Variants in ADAMTS18 observed in about 807,000 individuals in gnomAD.
ADAMTS18 encodes the protein ADAM metallopeptidase with thrombospondin type 1 motif 18, also known as A disintegrin and metalloproteinase with thrombospondin motifs 18.
ADAMTS18 carries 157 observed loss-of-function variants against 165.9 expected under a neutral mutation model. The ratio of observed to expected loss-of-function variants is 0.95; its 90% CI spans 0.83 to 1.08. ADAMTS18 has a LOEUF of 1.08. ADAMTS18 is among the 50% of genes least tolerant of loss of function. The pLI is 0.00. For missense variants in ADAMTS18, 2,040 were observed against 1,534.0 expected, an observed-to-expected ratio of 1.33 and a Z score of -5.51; for synonymous variants, 782 against 578.2, an observed-to-expected ratio of 1.35 and a Z score of -5.06.
intron 3 of ADAMTS18, among the ~76,000 whole-genome samples, chr16:77,384,771 C>T (rs186546322): frequency 1.3e-5 from 2 of 152,250 alleles, no homozygotes; most frequent in Admixed American, 6.5e-5. Context: ...TAGTAAGCTA[C>T]ATTATCTAAC....
chr16:77,334,401 T>C (rs1449732537), intron 12 of ADAMTS18, among the ~76,000 whole-genome samples: 2 of 112,646 alleles, frequency 1.8e-5, no homozygotes, highest in African/African-American at 3.7e-5. Flanking sequence ...ATATACTGTA[T>C]ATTATAGTAT....
chr16:77,390,603 T>G (rs970838723), intron 3 of ADAMTS18, among the ~76,000 whole-genome samples: 3 of 151,866 alleles, frequency 2.0e-5, no homozygotes, highest in African/African-American at 4.8e-5. Flanking sequence ...GGCAGGAGAA[T>G]TGCCTGAACC....
chr16:77,342,961 G>A (rs1244722591), intron 10 of ADAMTS18, among the ~76,000 whole-genome samples: 4 of 151,868 alleles, frequency 2.6e-5, no homozygotes, highest in Admixed American at 2.6e-4. Flanking sequence ...ATGAAGGAGG[G>A]GCCATGAGCC....
rs761150429 is a variant in ADAMTS18, at chr16:77,284,060, A to G, written c.3562T>C (p.Cys1188Arg). 3 of 1,610,298 alleles carry G rather than the reference A, an allele frequency of 1.9e-6. No individual in the cohort carries two copies. Among genetic ancestry groups the G allele is most frequent in the Non-Finnish European group, 2.5e-6 (3 of 1,176,824 alleles). Residue 1188 changes from cysteine to arginine, a missense_variant, in exon 23 of 23, where the codon TGC becomes CGC. By Grantham distance (180) the Cys-to-Arg change is radical (BLOSUM62 -3). Transcript: ENST00000282849. ...PAPEKREDPSCVDFFNWCHLV... is the reference protein window; with the variant it reads ...PAPEKREDPSRVDFFNWCHLV... ...TGACACCAGTTGAAGAAATCTACGCAGGATGGATCCTCTAAAATAAGAAAA... is the reference window on the plus strand; with the variant it reads ...TGACACCAGTTGAAGAAATCTACGCGGGATGGATCCTCTAAAATAAGAAAA...
In ADAMTS18 at chr16:77,362,149, C is replaced by G. The variant is rs1253354816; in HGVS notation, c.1172G>C (p.Gly391Ala). 4.3e-6 allele frequency: 7 copies of G among 1,614,056 alleles called. No homozygotes were observed. The highest frequency in any genetic ancestry group is 3.3e-4 in the Middle Eastern group (2 of 6,060). Reference protein sequence around the residue: ...KRHDHAILLTGFDICSWKNEP... With the variant: ...KRHDHAILLTAFDICSWKNEP... ...ATTCTTCCAAGAACAAATATCAAATCCTGTTAGTAAGATGGCATGATCATG... is the reference window on the plus strand; with the variant it reads ...ATTCTTCCAAGAACAAATATCAAATGCTGTTAGTAAGATGGCATGATCATG... The change falls in exon 7 of 23, where the codon GGA becomes GCA. Residue 391 changes from glycine (G) to alanine (A), a missense_variant. Physicochemically the swap from Gly to Ala is moderately conservative, Grantham distance 60. Coordinates refer to ENST00000282849, the MANE Select transcript of ADAMTS18 (RefSeq NM_199355.4).
rs911903449 is a variant in ADAMTS18, at chr16:77,347,998, G to A, written c.1614+5735C>T. Among the ~76,000 whole-genome samples, 2 of 152,072 alleles carry A rather than the reference G, an allele frequency of 1.3e-5. 1 individual carries two copies. Among genetic ancestry groups the A allele is most frequent in the Non-Finnish European group, 2.9e-5 (2 of 68,036 alleles). ...TAAAGTACTATCTGATACATAATAAGCACTGAATAAATATTAGTTATTATT... is the reference window on the plus strand; with the variant it reads ...TAAAGTACTATCTGATACATAATAAACACTGAATAAATATTAGTTATTATT... On this transcript the variant is annotated intron_variant, in intron 10 of 22. Coordinates refer to ENST00000282849, the MANE Select transcript of ADAMTS18 (RefSeq NM_199355.4).
At chr16:77,337,515 T>C (rs559464662) in intron 11 of ADAMTS18, among the ~76,000 whole-genome samples, 2 of 152,222 alleles carry the variant, frequency 1.3e-5, no homozygotes, top group South Asian at 4.2e-4. Flanking sequence ...CCCAAACAGA[T>C]CTATTCAAAT....
At chr16:77,284,786 C>T (rs551890501) in intron 22 of ADAMTS18, among the ~76,000 whole-genome samples, 8 of 152,112 alleles carry the variant, frequency 5.3e-5, no homozygotes, top group South Asian at 2.1e-4. Flanking sequence ...CCACTAGTAC[C>T]GCTGGTTCTG....
intron 16 of ADAMTS18, among the ~76,000 whole-genome samples, chr16:77,316,827 GC>G (rs1455359179): frequency 6.6e-6 from 1 of 151,786 alleles, no homozygotes; most frequent in Non-Finnish European, 1.5e-5. Flanking sequence ...GCACCACCAC[GC>G]CTGGCTAATT....
chr16:77,400,318 T>C (rs2057309130), intron 3 of ADAMTS18, among the ~76,000 whole-genome samples: 1 of 152,082 alleles, frequency 6.6e-6, no homozygotes, highest in Admixed American at 6.6e-5. Flanking sequence ...TCCCAGAGTC[T>C]ACTTAGCCTC....
Position 77,283,992 on chromosome 16 carries a change from T to A in ADAMTS18, c.3630A>T (p.Gly1210=). The A allele has an allele frequency of 6.2e-7, 1 of 1,614,026 alleles. No individual in the cohort carries two copies. Among genetic ancestry groups the A allele is most frequent in the Non-Finnish European group, 8.5e-7 (1 of 1,179,922 alleles). ...TTGTGCATGACTTGCAGCATTGTTT[T>A]CCGTAAAACTTGTGGTTGCAGACAC... is the stretch of plus-strand genomic sequence containing the variant. ...QHGVCNHKFY[G]KQCCKSCTRK... is the part of the protein sequence containing the mutation. The change falls in exon 23 of 23, where the codon GGA becomes GGT. Residue 1210 remains glycine (G), a synonymous_variant. Transcript: ENST00000282849.
chr16:77,305,672 G>A (rs931889350), intron 16 of ADAMTS18, among the ~76,000 whole-genome samples: 8 of 152,088 alleles, frequency 5.3e-5, no homozygotes, highest in Non-Finnish European at 1.2e-4. Flanking sequence ...CTTCTCTCTC[G>A]TTTCATGGTT....
At chr16:77,380,834 C>G (rs916422347) in intron 3 of ADAMTS18, among the ~76,000 whole-genome samples, 4 of 152,062 alleles carry the variant, frequency 2.6e-5, no homozygotes, top group African/African-American at 9.7e-5. Context: ...TCAACTGACT[C>G]TCACTGCAGC....
intron 3 of ADAMTS18, among the ~76,000 whole-genome samples, chr16:77,384,276 C>T (rs1322252808): frequency 6.6e-6 from 1 of 152,186 alleles, no homozygotes; most frequent in Non-Finnish European, 1.5e-5. Flanking sequence ...ACATTATATC[C>T]TTTTCCCATT....
At position 77,293,007 on chromosome 16, in the gene ADAMTS18, G is replaced by A. The variant is rs759247549; in HGVS notation, c.3189+69C>T. 38 of 1,597,776 alleles carry A rather than the reference G, an allele frequency of 2.4e-5. No individual in the cohort carries two copies. The Admixed American group carries it at 6.0e-4, about 25-fold the overall frequency. ...GCTAATTTTTTGTATTTTTAGTAGA[G>A]ACAGGGTTTCACTGTGTTAGCCAGG... On this transcript the variant is annotated intron_variant, in intron 20 of 22. Transcript: ENST00000282849.
intron 3 of ADAMTS18, among the ~76,000 whole-genome samples, chr16:77,399,090 T>C (rs2144805688): frequency 6.6e-6 from 1 of 152,342 alleles, no homozygotes; most frequent in Admixed American, 6.5e-5. Context: ...CCCACCCCAC[T>C]TTCATTCCAT....
intron 10 of ADAMTS18, among the ~76,000 whole-genome samples, chr16:77,351,551 C>A (rs2056556045): frequency 6.6e-6 from 1 of 152,104 alleles, no homozygotes; most frequent in African/African-American, 2.4e-5. Context: ...ATACTTATTA[C>A]CAACTGTGCT....
intron 3 of ADAMTS18, among the ~76,000 whole-genome samples, chr16:77,423,046 T>A (rs1202597243): frequency 6.6e-6 from 1 of 152,204 alleles, no homozygotes; most frequent in African/African-American, 2.4e-5. Context: ...ATCCCTAGGC[T>A]CTACCCAGGA....
chr16:77,298,557 C>A (rs1412713802), intron 17 of ADAMTS18, among the ~76,000 whole-genome samples: 1 of 151,994 alleles, frequency 6.6e-6, no homozygotes, highest in Non-Finnish European at 1.5e-5. Flanking sequence ...TTTGGGAGGT[C>A]AAGGAAGGCG....
Sources: allele counts gnomAD v4.1 joint callset (sites outside exome capture counted in the v4.1 genomes callset), GRCh38; gene constraint gnomAD v4.1.1; transcripts MANE v1.5; gene names NCBI Gene and HGNC (gene_info 2026-07-23, HGNC 2026-07-21).